The following SLC35F4 variants were observed in gnomAD, a reference collection of about 807,000 sequenced individuals.
SLC35F4 encodes the protein solute carrier family 35 member F4.
A neutral mutation model predicts 44.2 loss-of-function variants in SLC35F4; 24 were observed. The ratio of observed to expected loss-of-function variants is 0.54; its 90% CI spans 0.39 to 0.76. The LOEUF (loss-of-function observed/expected upper bound fraction) is 0.76. Ranked by LOEUF, SLC35F4 falls within the 30% of genes least tolerant of loss-of-function variation. The pLI is 0.00. For missense variants in SLC35F4, 562 were observed against 586.1 expected, an observed-to-expected ratio of 0.96 and a Z score of 0.42; for synonymous variants, 238 against 223.6, an observed-to-expected ratio of 1.06 and a Z score of -0.57.
intron 1 of SLC35F4, among the ~76,000 whole-genome samples, chr14:57,740,914 C>T (rs966363159): frequency 6.6e-6 from 1 of 152,170 alleles, no homozygotes; most frequent in African/African-American, 2.4e-5. Flanking sequence ...GCCGGGTGCC[C>T]CTCTGAGACG....
chr14:57,656,063 C>T (rs2140218625), intron 1 of SLC35F4, among the ~76,000 whole-genome samples: 1 of 152,116 alleles, frequency 6.6e-6, no homozygotes, highest in Admixed American at 6.6e-5. Context: ...ACTTGCCCTT[C>T]CCTCCAGAGC....
At chr14:57,726,265 C>G (rs183227324) in intron 1 of SLC35F4, among the ~76,000 whole-genome samples, 8 of 152,200 alleles carry the variant, frequency 5.3e-5, no homozygotes, top group South Asian at 4.1e-4. Context: ...ACAAATGACC[C>G]AGACCCTTCA....
At chr14:57,950,988 G>A (rs1428608569) in intron 1 of SLC35F4, among the ~76,000 whole-genome samples, 8 of 152,092 alleles carry the variant, frequency 5.3e-5, no homozygotes, top group Non-Finnish European at 2.9e-5. Flanking sequence ...TCTTAAAATT[G>A]TTCTTGAATT....
chr14:57,701,358 G>A (rs538815492), intron 1 of SLC35F4, among the ~76,000 whole-genome samples: 1 of 152,046 alleles, frequency 6.6e-6, no homozygotes. Flanking sequence ...CTGCCTGAGG[G>A]TGTTTTACAG....
chr14:57,662,757 C>A (rs2074179451), intron 1 of SLC35F4, among the ~76,000 whole-genome samples: 1 of 152,192 alleles, frequency 6.6e-6, no homozygotes, highest in Non-Finnish European at 1.5e-5. Flanking sequence ...GCAAGGTGTG[C>A]TGGATATTCC....
chr14:57,720,289 T>C (rs1350780493), intron 1 of SLC35F4, among the ~76,000 whole-genome samples: 2 of 152,172 alleles, frequency 1.3e-5, no homozygotes, highest in African/African-American at 4.8e-5. Flanking sequence ...TGGCCTGCAG[T>C]TTTCTTTTTT....
chr14:57,975,560 C>G (rs761690590), downstream of SLC35F4, among the ~76,000 whole-genome samples: 1 of 152,186 alleles, frequency 6.6e-6, no homozygotes, highest in Non-Finnish European at 1.5e-5. Flanking sequence ...GATGTTGGCA[C>G]TGCTTTGGCA....
chr14:57,956,577 C>T (rs1890242291), intron 1 of SLC35F4, among the ~76,000 whole-genome samples: 1 of 152,004 alleles, frequency 6.6e-6, no homozygotes, highest in Admixed American at 6.6e-5. Flanking sequence ...CTACAAGGAA[C>T]TTAAACAAAT....
chr14:57,573,531 A>T (rs1191389936), intron 4 of SLC35F4, among the ~76,000 whole-genome samples: 1 of 152,128 alleles, frequency 6.6e-6, no homozygotes, highest in Non-Finnish European at 1.5e-5. Context: ...ATTTCTAAAT[A>T]ATAAGTAATA....
chr14:57,944,762 GAAAGA>G (rs1241382818), intron 1 of SLC35F4, among the ~76,000 whole-genome samples: 7 of 143,442 alleles, frequency 4.9e-5, no homozygotes, highest in African/African-American at 1.0e-4. Flanking sequence ...AAGAAAGGAA[GAAAGA>G]AAAGAAAAGA....
chr14:57,944,905 G>A (rs1404747360), intron 1 of SLC35F4, among the ~76,000 whole-genome samples: 4 of 152,236 alleles, frequency 2.6e-5, no homozygotes, highest in African/African-American at 9.6e-5. Context: ...TTGCACAAAG[G>A]CTGTACAACC....
chr14:57,632,448 A>G (rs1313280663), intron 1 of SLC35F4, among the ~76,000 whole-genome samples: 2 of 152,092 alleles, frequency 1.3e-5, no homozygotes, highest in African/African-American at 4.8e-5. Context: ...GCCTTCAAGG[A>G]TCTCTGAAGA....
At chr14:57,876,706 C>G (rs1888406826) in intron 1 of SLC35F4, among the ~76,000 whole-genome samples, 1 of 152,114 alleles carries the variant, frequency 6.6e-6, no homozygotes, top group Admixed American at 6.5e-5. Flanking sequence ...AAGAAAAATT[C>G]TTAAATTTTC....
intron 1 of SLC35F4, among the ~76,000 whole-genome samples, chr14:57,711,299 C>T (rs2075812541): frequency 6.6e-6 from 1 of 152,126 alleles, no homozygotes; most frequent in Non-Finnish European, 1.5e-5. Flanking sequence ...TTCCCTGAGG[C>T]CTTCCCAGCC....
chr14:57,772,906 T>C (rs1472039428), intron 1 of SLC35F4, among the ~76,000 whole-genome samples: 2 of 152,194 alleles, frequency 1.3e-5, no homozygotes, highest in Non-Finnish European at 2.9e-5. Flanking sequence ...GGTAGTTCTA[T>C]TTTTAGTTCT....
Position 57,776,524 on chromosome 14 carries a change from G to A in SLC35F4, c.103+89199C>T, listed in dbSNP as rs745746233. On this transcript the variant is annotated intron_variant, in intron 1 of 7. Coordinates refer to ENST00000556826, the MANE Select transcript of SLC35F4 (RefSeq NM_001306087.2). ...TACTAAAAATACAAAAAATTTGCCA[G>A]GAGTGGTGGCACGCGCCTGCAATCC... is the stretch of plus-strand genomic sequence containing the variant. Among the ~76,000 whole-genome samples, 187 of 151,960 alleles carry A rather than the reference G, an allele frequency of 1.2e-3. 6 individuals are homozygous for A. The highest frequency in any genetic ancestry group is 3.9e-4 in the Admixed American group (6 of 15,250).
At chr14:57,867,772 C>T (rs1013152528), upstream of SLC35F4, among the ~76,000 whole-genome samples, 1 of 152,110 alleles carries the variant, frequency 6.6e-6, no homozygotes, top group Non-Finnish European at 1.5e-5. Flanking sequence ...TCCAATATTA[C>T]ATATATTATA....
intron 1 of SLC35F4, among the ~76,000 whole-genome samples, chr14:57,747,594 C>T (rs904262613): frequency 2.0e-5 from 3 of 152,142 alleles, no homozygotes; most frequent in African/African-American, 7.2e-5. Flanking sequence ...CTAACTACTT[C>T]CCTGCTTCTG....
At chr14:57,816,214 C>T (rs1420589280) in intron 1 of SLC35F4, among the ~76,000 whole-genome samples, 5 of 152,106 alleles carry the variant, frequency 3.3e-5, no homozygotes, top group East Asian at 1.9e-4. Flanking sequence ...CGTATTTTCA[C>T]GAACTTCATA....
Sources: allele counts gnomAD v4.1 joint callset (sites outside exome capture counted in the v4.1 genomes callset), GRCh38; gene constraint gnomAD v4.1.1; transcripts MANE v1.5; gene names NCBI Gene and HGNC (gene_info 2026-07-23, HGNC 2026-07-21).